COL11A1: variants seen among roughly 807,000 people sequenced by gnomAD.
The protein encoded by COL11A1 is collagen type XI alpha 1 chain.
A neutral mutation model predicts 265.2 loss-of-function variants in COL11A1; 74 were observed. The ratio of observed to expected loss-of-function variants is 0.28; its 90% CI spans 0.23 to 0.34. COL11A1 has a LOEUF of 0.34. Ranked by LOEUF, COL11A1 falls within the 10% of genes least tolerant of loss-of-function variation. The probability of loss-of-function intolerance (pLI) is 1.00; values close to 1 mark genes in which losing one functional copy is unlikely to be tolerated. For missense variants in COL11A1, 2,165 were observed against 2,263.6 expected (o/e 0.96, Z 0.88); for synonymous variants, 816 against 727.6 (o/e 1.12, Z -1.96).
rs1197650713 is a variant in COL11A1, at chr1:103,022,899, T to C, written c.1088A>G (p.Lys363Arg). 1.2e-6 allele frequency: 2 copies of C among 1,613,814 alleles called. No homozygotes were observed. Among genetic ancestry groups the C allele is most frequent in the African/African-American group, 2.7e-5 (2 of 74,916 alleles). ...KNSEDTLYENKEIDGRDSDLL... is the reference protein window; with the variant it reads ...KNSEDTLYENREIDGRDSDLL... ...ATCAGAATCCCTGCCGTCTATTTCT[T>C]TGTTTTCATATAGTGTATCCTCAGA... The change falls in exon 8 of 67, where the codon AAA becomes AGA. Residue 363 changes from lysine to arginine, a missense_variant. Lys to Arg is a conservative substitution (Grantham distance 26). Coordinates refer to ENST00000370096, the MANE Select transcript of COL11A1 (RefSeq NM_001854.4).
rs367647079 is a variant in COL11A1 at position 103,004,596 on chromosome 1, G to A, written c.1899+12C>T. On this transcript the variant is annotated intron_variant, in intron 19 of 66. Coordinates refer to ENST00000370096, the MANE Select transcript of COL11A1 (RefSeq NM_001854.4). ...TTTTAAATATTTCTTAAGAAAAGAAGTATTAACATACCCTCATTCCATCAT... is the reference window on the plus strand; with the variant it reads ...TTTTAAATATTTCTTAAGAAAAGAAATATTAACATACCCTCATTCCATCAT... The A allele has an allele frequency of 1.2e-6, 2 of 1,602,488 alleles. No individual in the cohort carries two copies. The highest frequency in any genetic ancestry group is 4.5e-5 in the East Asian group (2 of 44,302).
At chr1:102,978,805 C>A in intron 34 of COL11A1, 53 bp from the exon 35 acceptor site, 12 of 1,613,934 alleles carry the variant, frequency 7.4e-6, no homozygotes, top group Non-Finnish European at 1.0e-5. Flanking sequence ...CTCATAGCAT[C>A]TGCCTGGAAA....
intron 4 of COL11A1, among the ~76,000 whole-genome samples, chr1:103,072,532 C>T (rs1251438604): frequency 2.0e-5 from 3 of 151,426 alleles, no homozygotes; most frequent in Non-Finnish European, 3.0e-5. Context: ...TGTTTACTTG[C>T]AAAGATTCAT....
intron 36 of COL11A1, among the ~76,000 whole-genome samples, chr1:102,973,360 A>G (rs1662155111): frequency 6.6e-6 from 1 of 152,150 alleles, no homozygotes; most frequent in South Asian, 2.1e-4. Flanking sequence ...TGAAAGACAC[A>G]TAACACAATG....
intron 28 of COL11A1, 29 bp from the exon 29 acceptor site, chr1:102,989,600 G>A (rs930227973): frequency 1.3e-6 from 2 of 1,509,414 alleles, no homozygotes; most frequent in Non-Finnish European, 9.2e-7. Flanking sequence ...AATTAAATAG[G>A]AGTTTAATCA....
chr1:102,993,146 C>A (rs1015004042), intron 28 of COL11A1, among the ~76,000 whole-genome samples: 1 of 152,102 alleles, frequency 6.6e-6, no homozygotes, highest in African/African-American at 2.4e-5. Context: ...TTGATGGATA[C>A]TAATTCCAGA....
rs564655805 is a variant in COL11A1 at position 103,015,534 on chromosome 1, G to T, written c.1488+134C>A. The T allele has an allele frequency of 2.4e-5, 15 of 617,728 alleles. No homozygotes were observed. The African/African-American group carries it at 2.9e-4, about 12-fold the overall frequency. The allele number at this position is 617,728 out of a possible 1,614,324, so 38.3% of individuals were successfully genotyped here. ...GTAAAATTTCCCTGAATTTCCAAAT[G>T]CTGCTTAATTTCAAGTATTTCTACC... On this transcript the variant is annotated intron_variant, in intron 12 of 66. Transcript: ENST00000370096.
At chr1:103,045,657 G>A (rs1306086799) in intron 4 of COL11A1, among the ~76,000 whole-genome samples, 1 of 151,858 alleles carries the variant, frequency 6.6e-6, no homozygotes, top group Non-Finnish European at 1.5e-5. Flanking sequence ...TAGGGTACAT[G>A]TGCACAACGT....
At chr1:102,973,772 T>G (rs914911877) in intron 36 of COL11A1, among the ~76,000 whole-genome samples, 1 of 152,240 alleles carries the variant, frequency 6.6e-6, no homozygotes, top group Non-Finnish European at 1.5e-5. Context: ...CCTAATATCT[T>G]TGCAGTAATA....
intron 54 of COL11A1, among the ~76,000 whole-genome samples, chr1:102,904,585 A>C (rs1653668370): frequency 6.6e-6 from 1 of 151,804 alleles, no homozygotes; most frequent in African/African-American, 2.4e-5. Flanking sequence ...GACAGTTCTC[A>C]AAAGAAGATA....
chr1:102,897,792 A>G (rs560806472), intron 57 of COL11A1, among the ~76,000 whole-genome samples: 66 of 152,266 alleles, frequency 4.3e-4, no homozygotes, highest in Non-Finnish European at 7.4e-4. Flanking sequence ...TTTAAAGTGA[A>G]ATGCCAGGAA....
At chr1:102,981,699 A>C (rs1663058115) in intron 31 of COL11A1, among the ~76,000 whole-genome samples, 1 of 152,026 alleles carries the variant, frequency 6.6e-6, no homozygotes, top group South Asian at 2.1e-4. Flanking sequence ...CAAAGGCCAT[A>C]AAGTCAAAGA....
intron 46 of COL11A1, among the ~76,000 whole-genome samples, chr1:102,926,512 T>C (rs1656617297): frequency 6.6e-6 from 1 of 152,166 alleles, no homozygotes; most frequent in South Asian, 2.1e-4. Context: ...CCATGAAGAC[T>C]CAATTAAAGG....
At chr1:103,040,306 T>C (rs1668709441) in intron 4 of COL11A1, among the ~76,000 whole-genome samples, 1 of 151,160 alleles carries the variant, frequency 6.6e-6, no homozygotes, top group African/African-American at 2.4e-5. Flanking sequence ...AGAGTTCAAA[T>C]ATATAGTTCA....
intron 4 of COL11A1, among the ~76,000 whole-genome samples, chr1:103,044,737 T>C (rs1056071247): frequency 2.0e-5 from 3 of 152,070 alleles, no homozygotes; most frequent in African/African-American, 7.2e-5. Flanking sequence ...CACTAAAAAA[T>C]ACTAGTATTA....
At chr1:103,102,613 C>T (rs1223299898) in intron 1 of COL11A1, among the ~76,000 whole-genome samples, 9 of 151,966 alleles carry the variant, frequency 5.9e-5, no homozygotes, top group African/African-American at 2.2e-4. Flanking sequence ...TGCTTGATTA[C>T]TTCTCCAAAA....
intron 28 of COL11A1, among the ~76,000 whole-genome samples, chr1:102,990,185 C>G (rs1018607653): frequency 6.6e-6 from 1 of 151,810 alleles, no homozygotes; most frequent in African/African-American, 2.4e-5. Flanking sequence ...ACTTCTCCCC[C>G]CAACAACAAC....
chr1:102,928,425 T>G (rs977781354), intron 46 of COL11A1, among the ~76,000 whole-genome samples: 4 of 152,036 alleles, frequency 2.6e-5, no homozygotes, highest in Admixed American at 2.0e-4. Flanking sequence ...ACAAAGGACA[T>G]GAACTCATCA....
Position 102,886,892 on chromosome 1 carries a change from C to T in COL11A1, c.4773G>A (p.Glu1591=), listed in dbSNP as rs1321674093. ...GSLNSLKQDI[E]HMKFPMGTQT... is the part of the protein sequence containing the mutation. ...GAGTACCCATTGGAAATTTCATATG[C>T]TCAATGTCTTGTTTCAGGGAATTGA... is the stretch of plus-strand genomic sequence containing the variant. The change falls in exon 63 of 67, where the codon GAG becomes GAA. Residue 1591 remains glutamate, a synonymous_variant. Transcript: ENST00000370096. The T allele has an allele frequency of 6.2e-7, 1 of 1,613,826 alleles. No individual in the cohort carries two copies. The highest frequency in any genetic ancestry group is 8.5e-7 in the Non-Finnish European group (1 of 1,179,824).
Sources: allele counts gnomAD v4.1 joint callset (sites outside exome capture counted in the v4.1 genomes callset), GRCh38; gene constraint gnomAD v4.1.1; transcripts MANE v1.5; gene names NCBI Gene and HGNC (gene_info 2026-07-23, HGNC 2026-07-21).